Variants in CEMIP observed in about 807,000 individuals in gnomAD.
CEMIP encodes cell migration-inducing and hyaluronan-binding protein.
Under a neutral mutation model 156.9 loss-of-function variants are expected in CEMIP, and 105 were observed. That is an observed-to-expected ratio of 0.67 (90% CI 0.57 to 0.79). The LOEUF is 0.79. Among genes scored for constraint, CEMIP ranks in the 30% least tolerant of loss-of-function variants. The pLI, the probability that CEMIP is intolerant of heterozygous loss-of-function variation, is 0.00. For missense variants in CEMIP, 1,457 were observed against 1,769.4 expected, an observed-to-expected ratio of 0.82 and a Z score of 3.17; for synonymous variants, 676 against 668.4, an observed-to-expected ratio of 1.01 and a Z score of -0.17.
chr15:80,852,397 T>G (rs560048276), intron 1 of CEMIP, among the ~76,000 whole-genome samples: 41 of 148,710 alleles, frequency 2.8e-4, no homozygotes, highest in African/African-American at 9.0e-4. Context: ...TGTGTGTGTG[T>G]TTTTTTTTTA....
intron 1 of CEMIP, among the ~76,000 whole-genome samples, chr15:80,851,453 T>C (rs1229123404): frequency 1.3e-5 from 2 of 152,180 alleles, no homozygotes; most frequent in Admixed American, 6.5e-5. Flanking sequence ...GAAAATAAGG[T>C]TCCCTGCCCT....
chr15:80,856,907 C>T (rs1312147604), intron 1 of CEMIP, among the ~76,000 whole-genome samples: 26 of 152,154 alleles, frequency 1.7e-4, no homozygotes. Flanking sequence ...GTAACTGATC[C>T]CATCACAATG....
chr15:80,948,715 GGC>G, intron 29 of CEMIP, 80 bp from the exon 30 acceptor site: 1 of 1,591,290 alleles, frequency 6.3e-7, no homozygotes, highest in Non-Finnish European at 8.6e-7. Flanking sequence ...GTGGGGGGCT[GGC>G]GATGGGGAGC....
chr15:80,829,733 C>G (rs527443602), intron 1 of CEMIP, among the ~76,000 whole-genome samples: 1 of 152,260 alleles, frequency 6.6e-6, no homozygotes, highest in African/African-American at 2.4e-5. Context: ...GTAGATGCAC[C>G]TAGAAGGCCT....
chr15:80,890,375 T>TA (rs1213007997), intron 10 of CEMIP, among the ~76,000 whole-genome samples: 1 of 149,076 alleles, frequency 6.7e-6, no homozygotes, highest in Non-Finnish European at 1.5e-5. Flanking sequence ...GGTCAGGAGT[T>TA]AGAGACCAGC....
chr15:80,818,554 G>T (rs1279951433), intron 1 of CEMIP, among the ~76,000 whole-genome samples: 1 of 152,178 alleles, frequency 6.6e-6, no homozygotes, highest in Admixed American at 6.5e-5. Context: ...CACAACGGAA[G>T]TCCTGAACTC....
Position 80,949,462 on chromosome 15 carries a change from A to C in CEMIP, c.*538A>C, listed in dbSNP as rs1202578454. ...GTAGAACTGGCTATCCTTGGGGAAG[A>C]GGCAAGCCCTGCCTCTGGCCGTGTC... On this transcript the variant is annotated 3_prime_UTR_variant, in exon 30 of 30. Coordinates refer to ENST00000394685, the MANE Select transcript of CEMIP (RefSeq NM_001293298.2). The C allele has an allele frequency of 5.4e-6, 1 of 186,802 alleles. No homozygotes were observed. The highest frequency in any genetic ancestry group is 1.1e-5 in the Non-Finnish European group (1 of 87,342). 11.6% of individuals were successfully genotyped at this position (186,802 alleles called of 1,614,324 possible).
At chr15:80,935,726 T>G (rs1567109362) in intron 23 of CEMIP, among the ~76,000 whole-genome samples, 1 of 152,140 alleles carries the variant, frequency 6.6e-6, no homozygotes, top group East Asian at 1.9e-4. Context: ...ACATGGCGTT[T>G]TTTTTGTTTT....
At chr15:80,794,757 G>A (rs1241602580) in intron 1 of CEMIP, among the ~76,000 whole-genome samples, 2 of 152,140 alleles carry the variant, frequency 1.3e-5, no homozygotes, top group Admixed American at 6.5e-5. Context: ...GAACAGTGTA[G>A]GTCTAGGGAG....
chr15:80,897,062 A>G (rs1353738136), intron 12 of CEMIP, among the ~76,000 whole-genome samples: 1 of 152,222 alleles, frequency 6.6e-6, no homozygotes, highest in Non-Finnish European at 1.5e-5. Flanking sequence ...AAGTTCTTCT[A>G]AGACTGCATT....
intron 1 of CEMIP, among the ~76,000 whole-genome samples, chr15:80,815,288 C>A (rs1896764723): frequency 6.6e-6 from 1 of 152,242 alleles, no homozygotes; most frequent in South Asian, 2.1e-4. Context: ...TGTGGCCTGC[C>A]TGGCCCAATT....
chr15:80,944,999 G>A (rs1362924409), intron 28 of CEMIP, among the ~76,000 whole-genome samples: 1 of 152,200 alleles, frequency 6.6e-6, no homozygotes, highest in Non-Finnish European at 1.5e-5. Flanking sequence ...AAAGCAGCAG[G>A]GAATGAGGCA....
chr15:80,847,031 G>A (rs1470550898), intron 1 of CEMIP, among the ~76,000 whole-genome samples: 12 of 152,194 alleles, frequency 7.9e-5, no homozygotes, highest in Non-Finnish European at 1.6e-4. Context: ...TTCTTATGTA[G>A]CTTTTGATTA....
Position 80,873,980 on chromosome 15 carries a change from A to C in CEMIP, c.94+7A>C, listed in dbSNP as rs1898384058. 1.3e-6 allele frequency: 2 copies of C among 1,563,846 alleles called. No homozygotes were observed. Among genetic ancestry groups the C allele is most frequent in the Non-Finnish European group, 1.7e-6 (2 of 1,152,124 alleles). On this transcript the variant is annotated splice_region_variant and intron_variant, in intron 3 of 29. Transcript: ENST00000394685. Reference sequence around the variant, plus strand: ...CCTGGGGCCACATCCACAGGTGAGCACTGCAAACAGATGGACCTCTGTATC... The same window carrying C: ...CCTGGGGCCACATCCACAGGTGAGCCCTGCAAACAGATGGACCTCTGTATC...
intron 1 of CEMIP, among the ~76,000 whole-genome samples, chr15:80,838,987 G>T (rs956674520): frequency 1.4e-4 from 22 of 152,184 alleles, no homozygotes; most frequent in Admixed American, 9.2e-4. Context: ...TTAAGTCACA[G>T]GGTGTCCAGC....
At chr15:80,925,822 A>G (rs1449388097) in intron 19 of CEMIP, 67 bp downstream of exon 19, 1 of 1,565,528 alleles carries the variant, frequency 6.4e-7, no homozygotes, top group Non-Finnish European at 8.6e-7. Flanking sequence ...AGCCCCCTAC[A>G]GAGACAGGAG....
At chr15:80,879,989 C>T in intron 5 of CEMIP, 135 bp downstream of exon 5, 1 of 995,010 alleles carries the variant, frequency 1.0e-6, no homozygotes. Context: ...AGATGGGGAT[C>T]ATGAACAAGA....
chr15:80,843,903 C>A (rs949077451), intron 1 of CEMIP, among the ~76,000 whole-genome samples: 15 of 152,328 alleles, frequency 9.8e-5, no homozygotes, highest in African/African-American at 3.6e-4. Flanking sequence ...TGAGACCCCT[C>A]CTTGTTTTAC....
intron 1 of CEMIP, among the ~76,000 whole-genome samples, chr15:80,852,417 G>A (rs1043456347): frequency 6.6e-6 from 1 of 151,918 alleles, no homozygotes; most frequent in East Asian, 1.9e-4. Flanking sequence ...AAGTGGAGAG[G>A]TACGATTACT....
Sources: allele counts gnomAD v4.1 joint callset (sites outside exome capture counted in the v4.1 genomes callset), GRCh38; gene constraint gnomAD v4.1.1; transcripts MANE v1.5; gene names NCBI Gene and HGNC (gene_info 2026-07-23, HGNC 2026-07-21).